The following PPM1E variants were observed in gnomAD, a reference collection of about 807,000 sequenced individuals.
The protein encoded by PPM1E is protein phosphatase, Mg2+/Mn2+ dependent 1E, also known as protein phosphatase 1E.
PPM1E carries 20 observed loss-of-function variants against 65.9 expected under a neutral mutation model. The observed-to-expected ratio is 0.30, with a 90% CI of 0.21 to 0.44. The LOEUF (loss-of-function observed/expected upper bound fraction) is 0.44, where lower values mean the gene tolerates loss of function less well. Among genes scored for constraint, PPM1E ranks in the 20% least tolerant of loss-of-function variants. The pLI, the probability that PPM1E is intolerant of heterozygous loss-of-function variation, is 1.00. For synonymous variants in PPM1E, 352 were observed against 374.9 expected, an observed-to-expected ratio of 0.94 and a Z score of 0.70; for missense variants, 713 against 953.1, an observed-to-expected ratio of 0.75 and a Z score of 3.32.
intron 1 of PPM1E, among the ~76,000 whole-genome samples, chr17:58,798,010 G>C (rs2050222010): frequency 6.6e-6 from 1 of 152,062 alleles, no homozygotes; most frequent in Non-Finnish European, 1.5e-5. Context: ...CTTTTAATCT[G>C]CATTTCCCTG....
At chr17:58,882,184 A>T (rs1001454417) in intron 1 of PPM1E, among the ~76,000 whole-genome samples, 9 of 152,022 alleles carry the variant, frequency 5.9e-5, no homozygotes, top group African/African-American at 2.2e-4. Flanking sequence ...AGCAAAAAAA[A>T]GAAAAGAAAG....
intron 1 of PPM1E, among the ~76,000 whole-genome samples, chr17:58,868,430 A>G (rs1052995009): frequency 3.3e-5 from 5 of 152,160 alleles, no homozygotes; most frequent in Non-Finnish European, 5.9e-5. Flanking sequence ...AAGTTATTTC[A>G]GTTACTCCTA....
At chr17:58,757,955 G>A (rs1214470323) in intron 1 of PPM1E, among the ~76,000 whole-genome samples, 2 of 151,898 alleles carry the variant, frequency 1.3e-5, no homozygotes, top group African/African-American at 2.4e-5. Context: ...CATAGACAAG[G>A]GCTTCTGAGA....
At chr17:58,861,673 C>T (rs2050944167) in intron 1 of PPM1E, among the ~76,000 whole-genome samples, 1 of 152,106 alleles carries the variant, frequency 6.6e-6, no homozygotes, top group Non-Finnish European at 1.5e-5. Flanking sequence ...CGCTGGTAAT[C>T]CCAGCACTTG....
intron 6 of PPM1E, among the ~76,000 whole-genome samples, chr17:58,979,693 G>A (rs191013650): frequency 1.1e-4 from 17 of 152,266 alleles, no homozygotes; most frequent in African/African-American, 4.1e-4. Context: ...GTTACACTCA[G>A]CTAAGCCTAA....
chr17:58,953,710 T>C (rs553126026), intron 1 of PPM1E, among the ~76,000 whole-genome samples: 18 of 152,286 alleles, frequency 1.2e-4, no homozygotes, highest in Non-Finnish European at 2.5e-4. Context: ...AGGTAACCAT[T>C]TGACACGTTG....
At chr17:58,882,186 AAAAG>A (rs1281377490) in intron 1 of PPM1E, among the ~76,000 whole-genome samples, 2 of 151,998 alleles carry the variant, frequency 1.3e-5, no homozygotes, top group Admixed American at 6.6e-5. Flanking sequence ...CAAAAAAAAG[AAAAG>A]AAAGAAGTAC....
intron 1 of PPM1E, among the ~76,000 whole-genome samples, chr17:58,911,950 G>A (rs146568783): frequency 3.9e-5 from 6 of 152,284 alleles, no homozygotes; most frequent in East Asian, 3.9e-4. Flanking sequence ...GAAGGGTGCC[G>A]CTTGCACTTC....
At chr17:58,872,879 G>GGTTACAGTTTGTTACATTT (rs1186133570) in intron 1 of PPM1E, among the ~76,000 whole-genome samples, 9 of 152,144 alleles carry the variant, frequency 5.9e-5, no homozygotes, top group African/African-American at 2.2e-4. Context: ...GGAAGTGATT[G>GGTTACAGTTTGTTACATTT]GTTACAGTTT....
At chr17:58,843,344 A>G (rs1941560880) in intron 1 of PPM1E, among the ~76,000 whole-genome samples, 2 of 151,210 alleles carry the variant, frequency 1.3e-5, no homozygotes, top group Admixed American at 1.3e-4. Context: ...AAAAAAATGA[A>G]TTAAATAAAA....
intron 1 of PPM1E, among the ~76,000 whole-genome samples, chr17:58,778,272 G>A (rs539139304): frequency 6.6e-6 from 1 of 151,796 alleles, no homozygotes; most frequent in Non-Finnish European, 1.5e-5. Context: ...GCTAATCTTT[G>A]TATTTTTAGT....
intron 1 of PPM1E, among the ~76,000 whole-genome samples, chr17:58,869,374 T>G (rs2051043494): frequency 6.6e-6 from 1 of 152,224 alleles, no homozygotes. Flanking sequence ...TGGGAGATGT[T>G]TGGCTCATGG....
At chr17:58,898,789 G>A (rs1316566512) in intron 1 of PPM1E, among the ~76,000 whole-genome samples, 1 of 152,128 alleles carries the variant, frequency 6.6e-6, no homozygotes, top group African/African-American at 2.4e-5. Flanking sequence ...ACTGGATTAA[G>A]AAAACATGGC....
At chr17:58,860,770 C>T (rs570560945) in intron 1 of PPM1E, among the ~76,000 whole-genome samples, 1 of 152,156 alleles carries the variant, frequency 6.6e-6, no homozygotes, top group East Asian at 1.9e-4. Context: ...ATGGTGGAAC[C>T]CTGTCTCTAC....
chr17:58,825,176 TAAA>T (rs1405728871), intron 1 of PPM1E, among the ~76,000 whole-genome samples: 1 of 145,670 alleles, frequency 6.9e-6, no homozygotes, highest in African/African-American at 2.5e-5. Context: ...TACAGAAAAC[TAAA>T]ATAAAAAAAA....
chr17:58,829,223 G>T (rs151259656), intron 1 of PPM1E, among the ~76,000 whole-genome samples: 1,695 of 151,626 alleles, frequency 0.011, 36 homozygotes, highest in African/African-American at 0.039. Context: ...TGTATATTCA[G>T]TAGAGACGGG....
intron 1 of PPM1E, among the ~76,000 whole-genome samples, chr17:58,771,603 CA>C (rs1451673981): frequency 3.4e-5 from 5 of 147,782 alleles, no homozygotes; most frequent in Non-Finnish European, 7.4e-5. Flanking sequence ...AGCCTGGCAA[CA>C]GAGTGAGACT....
At chr17:58,883,070 T>G (rs1216040422) in intron 1 of PPM1E, among the ~76,000 whole-genome samples, 1 of 149,386 alleles carries the variant, frequency 6.7e-6, no homozygotes, top group Non-Finnish European at 1.5e-5. Flanking sequence ...TTCTTCTGCC[T>G]CAGCCTCCCA....
intron 5 of PPM1E, 30 bp downstream of exon 5, chr17:58,972,305 T>C (rs752517485): frequency 3.8e-6 from 6 of 1,588,060 alleles, no homozygotes; most frequent in East Asian, 4.5e-5. Flanking sequence ...ATAGAGCCCA[T>C]GCTCTAGTTA....
Sources: gnomAD v4.1 joint callset for allele counts (sites outside exome capture counted in the v4.1 genomes callset) on GRCh38, gnomAD v4.1.1 for gene constraint, MANE v1.5 for transcripts, NCBI Gene and HGNC (gene_info 2026-07-23, HGNC 2026-07-21) for gene names.